The following DSG4 variants were observed in gnomAD, a reference collection of about 807,000 sequenced individuals.
DSG4 encodes desmoglein-4.
DSG4 carries 87 observed loss-of-function variants against 93.1 expected under a neutral mutation model. The observed-to-expected ratio is 0.93, with a 90% CI of 0.79 to 1.12. The LOEUF is 1.12. DSG4 is among the 50% of genes most tolerant of loss of function. The pLI, the probability that DSG4 is intolerant of heterozygous loss-of-function variation, is 0.00. For missense variants in DSG4, 1,373 were observed against 1,285.7 expected (o/e 1.07, Z -1.04); for synonymous variants, 432 against 452.9 (o/e 0.95, Z 0.59).
chr18:31,404,339 G>T (rs2072401813), intron 11 of DSG4, among the ~76,000 whole-genome samples: 1 of 152,152 alleles, frequency 6.6e-6, no homozygotes, highest in Admixed American at 6.5e-5. Flanking sequence ...ACATACAATT[G>T]AATGGCTGAC....
chr18:31,399,448 G>A lies in DSG4; in HGVS notation c.1182G>A (p.Val394=). The part of the protein sequence containing the change: ...AFHPSTMAFS[V]REGIKGSSLL... The stretch of plus-strand genomic sequence containing the variant: ...ATCCAAGTACTATGGCTTTTAGTGT[G>A]CGGGAAGGAATAAAAGGAAGTTCCT... The change falls in exon 9 of 16, where the codon GTG becomes GTA. Residue 394 remains valine, a synonymous_variant. Transcript: ENST00000308128. 6.2e-7 allele frequency: 1 copy of A among 1,614,044 alleles called. No homozygotes were observed. The highest frequency in any genetic ancestry group is 8.5e-7 in the Non-Finnish European group (1 of 1,179,956).
rs1274245692 is a variant in DSG4, at chr18:31,414,016, T to A, written c.*421T>A. 6.2e-6 allele frequency: 1 copy of A among 161,830 alleles called. No homozygotes were observed. The allele number at this position is 161,830 out of a possible 1,614,324, so 10.0% of individuals were successfully genotyped here. On this transcript the variant is annotated 3_prime_UTR_variant, in exon 16 of 16. Transcript: ENST00000308128. ...TAGGGAAATATTTATATTAAAATTT[T>A]TAATTGAAAAGTTGAATGAAATGTA...
Position 31,409,413 on chromosome 18 carries a change from C to G in DSG4, c.1934-39C>G, listed in dbSNP as rs763020625. On this transcript the variant is annotated intron_variant, in intron 12 of 15. Transcript: ENST00000308128. ...TCATCCAGTGACTTCCTAAACCGAGCAATGTGTGTTAACTCGACATTGTCA... is the reference window on the plus strand; with the variant it reads ...TCATCCAGTGACTTCCTAAACCGAGGAATGTGTGTTAACTCGACATTGTCA... 1.2e-5 allele frequency: 19 copies of G among 1,613,506 alleles called. No homozygotes were observed. In the Admixed American group the frequency reaches 3.2e-4, roughly 27 times the overall value.
intron 8 of DSG4, among the ~76,000 whole-genome samples, chr18:31,392,908 A>G (rs967034239): frequency 1.3e-5 from 2 of 152,204 alleles, no homozygotes; most frequent in African/African-American, 4.8e-5. Context: ...GTAGGGAAGT[A>G]ATCAGAAGTC....
intron 1 of DSG4, 111 bp downstream of exon 1, chr18:31,377,070 AAG>A: frequency 8.3e-7 from 1 of 1,201,386 alleles, no homozygotes; most frequent in Non-Finnish European, 1.2e-6. Flanking sequence ...CCTTCCTGCA[AAG>A]AGAGTTCTAG....
At chr18:31,395,260 T>C (rs1009016927) in intron 8 of DSG4, among the ~76,000 whole-genome samples, 4 of 148,528 alleles carry the variant, frequency 2.7e-5, no homozygotes, top group African/African-American at 9.9e-5. Context: ...TTTAAAGATA[T>C]ACTTAATTGC....
At chr18:31,396,553 C>T (rs2072308510) in intron 8 of DSG4, among the ~76,000 whole-genome samples, 2 of 151,878 alleles carry the variant, frequency 1.3e-5, no homozygotes, top group Non-Finnish European at 2.9e-5. Flanking sequence ...CGGGGTTTCA[C>T]CATTGCTGGC....
intron 12 of DSG4, among the ~76,000 whole-genome samples, chr18:31,409,120 T>G (rs1249211545): frequency 1.3e-5 from 2 of 152,192 alleles, no homozygotes; most frequent in African/African-American, 4.8e-5. Context: ...TGCGTTTAAC[T>G]TACATGTATG....
At chr18:31,393,653 A>T (rs2072274256) in intron 8 of DSG4, among the ~76,000 whole-genome samples, 1 of 152,220 alleles carries the variant, frequency 6.6e-6, no homozygotes. Flanking sequence ...ATCACATTTA[A>T]AGATGAGATT....
At chr18:31,381,861 G>C (rs2072138703) in intron 1 of DSG4, among the ~76,000 whole-genome samples, 1 of 150,448 alleles carries the variant, frequency 6.6e-6, no homozygotes, top group South Asian at 2.1e-4. Flanking sequence ...AGTAGAGATG[G>C]GGTTTCACTA....
chr18:31,390,543 TCAAA>T (rs1388932404), intron 5 of DSG4, 109 bp from the exon 6 acceptor site: 12 of 1,276,822 alleles, frequency 9.4e-6, no homozygotes, highest in South Asian at 2.4e-5. Flanking sequence ...CATGGAAAAC[TCAAA>T]CAGAGAGAAT....
intron 4 of DSG4, 79 bp downstream of exon 4, chr18:31,388,601 G>T: frequency 6.5e-7 from 1 of 1,529,888 alleles, no homozygotes; most frequent in Non-Finnish European, 9.0e-7. Flanking sequence ...TAAGATAATG[G>T]ATTACTTTTG....
intron 14 of DSG4, 185 bp from the exon 15 acceptor site, chr18:31,411,046 T>A: frequency 6.7e-7 from 1 of 1,496,690 alleles, no homozygotes; most frequent in Non-Finnish European, 8.9e-7. Flanking sequence ...GTGTAATTAA[T>A]TTACTTTTAT....
chr18:31,394,882 C>T (rs1044013846), intron 8 of DSG4, among the ~76,000 whole-genome samples: 35 of 152,088 alleles, frequency 2.3e-4, no homozygotes, highest in Non-Finnish European at 1.2e-4. Flanking sequence ...TACCTATGTT[C>T]TTATCATCTT....
rs769990795 is a variant in DSG4 at position 31,388,382 on chromosome 18, G to A, written c.232G>A (p.Glu78Lys). The A allele has an allele frequency of 5.6e-6, 9 of 1,613,020 alleles. No homozygotes were observed. Among genetic ancestry groups the A allele is most frequent in the African/African-American group, 4.0e-5 (3 of 74,856 alleles). The change falls in exon 4 of 16, where the codon GAA (glutamate) becomes AAA (lysine). Residue 78 changes from glutamate (E) to lysine (K), a missense_variant. Glu to Lys is a moderately conservative substitution (Grantham distance 56). Transcript: ENST00000308128. ...TTTCTTATAGATTCGATCAGACTGCGAATCGAACCAGAAGATAACATACCG... is the reference window on the plus strand; with the variant it reads ...TTTCTTATAGATTCGATCAGACTGCAAATCGAACCAGAAGATAACATACCG... The part of the protein sequence containing the change: ...NPIAKIRSDC[E>K]SNQKITYRIS...
Position 31,411,408 on chromosome 18 carries a change from C to T in DSG4, c.2315C>T (p.Ala772Val). The change falls in exon 15 of 16, where the codon GCA becomes GTA. Residue 772 changes from alanine to valine, a missense_variant. By Grantham distance (64) the Ala-to-Val change is moderately conservative (BLOSUM62 0). Coordinates refer to ENST00000308128, the MANE Select transcript of DSG4 (RefSeq NM_177986.5). ...GGAACCCTGCGGGACTACGCTGACG[C>T]AGACATCAACATGGCTTTCTTGGAC... is the stretch of plus-strand genomic sequence containing the variant. ...TMGTLRDYAD[A>V]DINMAFLDSY... 1 of 1,611,194 alleles carries T rather than the reference C, an allele frequency of 6.2e-7. No individual in the cohort carries two copies. Among genetic ancestry groups the T allele is most frequent in the Non-Finnish European group, 8.5e-7 (1 of 1,179,894 alleles).
At position 31,399,252 on chromosome 18, in the gene DSG4, T is replaced by C. The variant is rs2144194868; in HGVS notation, c.1006-20T>C. The C allele has an allele frequency of 6.2e-7, 1 of 1,613,690 alleles. No individual in the cohort carries two copies. The highest frequency in any genetic ancestry group is 1.3e-5 in the African/African-American group (1 of 74,966). On this transcript the variant is annotated intron_variant, in intron 8 of 15. Transcript: ENST00000308128. Reference sequence around the variant, plus strand: ...AGAGTTCTTTGCTGTTTCAGAGTTTTTTATTTTCTTTCATTTCAGATGCTG... The same window carrying C: ...AGAGTTCTTTGCTGTTTCAGAGTTTCTTATTTTCTTTCATTTCAGATGCTG...
At chr18:31,403,724 C>A in intron 11 of DSG4, 90 bp downstream of exon 11, 1 of 1,161,634 alleles carries the variant, frequency 8.6e-7, no homozygotes, top group Non-Finnish European at 1.3e-6. Flanking sequence ...ATAAAACATT[C>A]TACTTCTGTT....
intron 14 of DSG4, among the ~76,000 whole-genome samples, chr18:31,410,747 G>GT (rs2072478198): frequency 6.6e-6 from 1 of 152,180 alleles, no homozygotes. Flanking sequence ...TTCTCTGATG[G>GT]TTCCTTAGTA....
Sources: gnomAD v4.1 joint callset for allele counts (sites outside exome capture counted in the v4.1 genomes callset) on GRCh38, gnomAD v4.1.1 for gene constraint, MANE v1.5 for transcripts, NCBI Gene and HGNC (gene_info 2026-07-23, HGNC 2026-07-21) for gene names.